Variants in TMEM178B observed in about 807,000 individuals in gnomAD.
The protein encoded by TMEM178B is transmembrane protein 178B.
A neutral mutation model predicts 31.0 loss-of-function variants in TMEM178B; 5 were observed. The observed-to-expected ratio is 0.16, with a 90% CI of 0.08 to 0.34. The LOEUF is 0.34. Among genes scored for constraint, TMEM178B ranks in the 10% least tolerant of loss-of-function variants. The probability of loss-of-function intolerance (pLI) is 1.00; values close to 1 mark genes in which losing one functional copy is unlikely to be tolerated. For synonymous variants in TMEM178B, 164 were observed against 164.0 expected, an observed-to-expected ratio of 1.00 and a Z score of 0.00; for missense variants, 275 against 400.3, an observed-to-expected ratio of 0.69 and a Z score of 2.67.
chr7:141,502,452 G>A, the TMEM178B span, among the ~76,000 whole-genome samples: 1 of 152,182 alleles, frequency 6.6e-6, no homozygotes, highest in Non-Finnish European at 1.5e-5. Context: ...TAAAACAGCT[G>A]GTCATAGGCA....
intron 1 of TMEM178B, among the ~76,000 whole-genome samples, chr7:141,137,160 T>TA (rs1410518708): frequency 1.3e-5 from 2 of 152,202 alleles, no homozygotes; most frequent in African/African-American, 4.8e-5. Flanking sequence ...TGGAGGTTTT[T>TA]AAAAAAACTT....
intron 1 of TMEM178B, among the ~76,000 whole-genome samples, chr7:141,085,925 C>T (rs969322514): frequency 4.6e-5 from 7 of 151,752 alleles, no homozygotes; most frequent in East Asian, 1.9e-4. Flanking sequence ...CTGTTTGTGA[C>T]GGTATCACAA....
Position 141,177,016 on chromosome 7 carries a change from T to C in TMEM178B, c.383-35575T>C, listed in dbSNP as rs1014559911. ...GCTTTTGAATTTGTTTGTTCTTTCTTTTCTAGTTCTTTTAATTGTGATGTT... is the reference window on the plus strand; with the variant it reads ...GCTTTTGAATTTGTTTGTTCTTTCTCTTCTAGTTCTTTTAATTGTGATGTT... On this transcript the variant is annotated intron_variant, in intron 1 of 3. Transcript: ENST00000565468. 4.6e-5 allele frequency among the ~76,000 whole-genome samples: 7 copies of C among 152,320 alleles called. 1 individual carries two copies. In the Middle Eastern group the frequency reaches 0.024, roughly 518 times the overall value.
In TMEM178B at chr7:141,397,068, C is replaced by T. The variant is rs140510067; in HGVS notation, c.497-40540C>T. 6.0e-4 allele frequency among the ~76,000 whole-genome samples: 91 copies of T among 152,262 alleles called. 1 individual carries two copies. The highest frequency in any genetic ancestry group is 2.1e-3 in the African/African-American group (87 of 41,538). On this transcript the variant is annotated intron_variant, in intron 2 of 3. Transcript: ENST00000565468. ...GTGTCACTATTACTGCCATCATCAC[C>T]GTAAGAACACCATGGGGTCAGCTCA...
At chr7:141,357,900 G>T (rs549882029) in intron 2 of TMEM178B, among the ~76,000 whole-genome samples, 15 of 152,284 alleles carry the variant, frequency 9.9e-5, no homozygotes, top group African/African-American at 3.6e-4. Flanking sequence ...GACTGCCACA[G>T]GTGTCCAGGT....
intron 1 of TMEM178B, among the ~76,000 whole-genome samples, chr7:141,165,916 G>T (rs1404363592): frequency 6.6e-6 from 1 of 152,210 alleles, no homozygotes; most frequent in Non-Finnish European, 1.5e-5. Context: ...TTAGCATTGT[G>T]CACGGCACAT....
chr7:141,439,495 T>C (rs1345691937), intron 3 of TMEM178B, among the ~76,000 whole-genome samples: 1 of 152,198 alleles, frequency 6.6e-6, no homozygotes, highest in East Asian at 1.9e-4. Flanking sequence ...GGAGTCAAAC[T>C]AGCTTGATGA....
chr7:141,083,655 A>T (rs1187896675), intron 1 of TMEM178B, among the ~76,000 whole-genome samples: 1 of 152,240 alleles, frequency 6.6e-6, no homozygotes, highest in Non-Finnish European at 1.5e-5. Flanking sequence ...AAATGGCTTG[A>T]AATGTGATTT....
intron 2 of TMEM178B, among the ~76,000 whole-genome samples, chr7:141,356,479 G>A (rs562190672): frequency 1.3e-5 from 2 of 151,952 alleles, no homozygotes; most frequent in Non-Finnish European, 2.9e-5. Flanking sequence ...TAGCAGTGTG[G>A]AGCATTTTTT....
At chr7:141,206,954 G>A (rs561650352) in intron 1 of TMEM178B, among the ~76,000 whole-genome samples, 11 of 152,236 alleles carry the variant, frequency 7.2e-5, no homozygotes, top group African/African-American at 2.6e-4. Context: ...CCACTCTCCA[G>A]CCCCTGGCAA....
chr7:141,497,538 G>C, the TMEM178B span, among the ~76,000 whole-genome samples: 1 of 152,096 alleles, frequency 6.6e-6, no homozygotes, highest in Non-Finnish European at 1.5e-5. Flanking sequence ...TGATTGCTTC[G>C]TGGGCTTTGC....
chr7:141,265,957 A>G (rs777527075), intron 2 of TMEM178B, among the ~76,000 whole-genome samples: 10 of 152,116 alleles, frequency 6.6e-5, no homozygotes, highest in Non-Finnish European at 1.3e-4. Context: ...ACCCTCATTC[A>G]TCAGCCTTGG....
chr7:141,128,132 G>A (rs1170431443), intron 1 of TMEM178B, among the ~76,000 whole-genome samples: 1 of 152,154 alleles, frequency 6.6e-6, no homozygotes, highest in Non-Finnish European at 1.5e-5. Flanking sequence ...ACACCCTTGA[G>A]AATAAAAGGG....
the TMEM178B span, among the ~76,000 whole-genome samples, chr7:141,495,433 A>G: frequency 6.6e-6 from 1 of 152,200 alleles, no homozygotes; most frequent in African/African-American, 2.4e-5. Flanking sequence ...AGTTTCCTCA[A>G]CATGATTTTC....
chr7:141,290,151 G>T (rs1050658444), intron 2 of TMEM178B, among the ~76,000 whole-genome samples: 1 of 152,172 alleles, frequency 6.6e-6, no homozygotes, highest in Non-Finnish European at 1.5e-5. Context: ...TGGTCTCCTT[G>T]TAGCTCCTGA....
intron 2 of TMEM178B, among the ~76,000 whole-genome samples, chr7:141,279,741 A>C (rs1798324439): frequency 6.6e-6 from 1 of 152,202 alleles, no homozygotes; most frequent in African/African-American, 2.4e-5. Flanking sequence ...AGTTACCAAA[A>C]TGACTGGAGT....
chr7:141,248,233 A>G (rs1797770148), intron 2 of TMEM178B, among the ~76,000 whole-genome samples: 2 of 152,146 alleles, frequency 1.3e-5, no homozygotes, highest in South Asian at 4.1e-4. Flanking sequence ...CAACATGGTG[A>G]AACCCTGCCT....
At chr7:141,232,482 A>G (rs1283075062) in intron 2 of TMEM178B, among the ~76,000 whole-genome samples, 1 of 151,924 alleles carries the variant, frequency 6.6e-6, no homozygotes, top group African/African-American at 2.4e-5. Flanking sequence ...TTGTTACTTG[A>G]CTATCTAATA....
chr7:141,304,750 C>T (rs1424342142), intron 2 of TMEM178B, among the ~76,000 whole-genome samples: 1 of 152,210 alleles, frequency 6.6e-6, no homozygotes, highest in Non-Finnish European at 1.5e-5. Flanking sequence ...CATCTGACCA[C>T]TCTGTGGCAC....
Sources: allele counts gnomAD v4.1 joint callset (sites outside exome capture counted in the v4.1 genomes callset), GRCh38; gene constraint gnomAD v4.1.1; transcripts MANE v1.5; gene names NCBI Gene and HGNC (gene_info 2026-07-23, HGNC 2026-07-21).